The following STEAP3 variants were observed in gnomAD, a reference collection of about 807,000 sequenced individuals.
The protein encoded by STEAP3 is metalloreductase STEAP3.
A neutral mutation model predicts 34.9 loss-of-function variants in STEAP3; 35 were observed. That is an observed-to-expected ratio of 1.00 (90% CI 0.76 to 1.33). The LOEUF is 1.33. Among genes scored for constraint, STEAP3 ranks in the 40% most tolerant of loss-of-function variants. The probability of loss-of-function intolerance (pLI) is 0.00; values close to 1 mark genes in which losing one functional copy is unlikely to be tolerated. For missense variants in STEAP3, 652 were observed against 667.6 expected (o/e 0.98, Z 0.26); for synonymous variants, 281 against 301.6 (o/e 0.93, Z 0.71).
chr2:119,244,804 G>C (rs1231415742), intron 2 of STEAP3: 1 of 152,094 alleles, frequency 6.6e-6, no homozygotes, highest in Non-Finnish European at 1.5e-5. Flanking sequence ...AGATCACAGG[G>C]CACCCACTCT....
chr2:119,225,576 C>T (rs981692446), intron 1 of STEAP3, among the ~76,000 whole-genome samples: 1 of 152,246 alleles, frequency 6.6e-6, no homozygotes, highest in Admixed American at 6.5e-5. Context: ...TTCATATCTC[C>T]TATCCTTGGC....
intron 4 of STEAP3, among the ~76,000 whole-genome samples, chr2:119,253,095 C>T (rs1250182637): frequency 6.6e-6 from 1 of 152,166 alleles, no homozygotes; most frequent in African/African-American, 2.4e-5. Context: ...GCACGCCTTT[C>T]CAGCTAATGG....
chr2:119,258,859 T>C (rs1428535108), intron 5 of STEAP3, among the ~76,000 whole-genome samples: 1 of 151,122 alleles, frequency 6.6e-6, no homozygotes, highest in Non-Finnish European at 1.5e-5. Flanking sequence ...CCTGACCTCA[T>C]GATCCGCCTG....
intron 5 of STEAP3, among the ~76,000 whole-genome samples, chr2:119,261,769 T>C (rs1002330860): frequency 1.6e-4 from 24 of 152,322 alleles, no homozygotes; most frequent in Admixed American, 1.1e-3. Flanking sequence ...GCTGGAGTCA[T>C]AGAGCAGCAC....
chr2:119,259,040 G>A (rs1677867558), intron 5 of STEAP3, among the ~76,000 whole-genome samples: 1 of 151,792 alleles, frequency 6.6e-6, no homozygotes, highest in Non-Finnish European at 1.5e-5. Flanking sequence ...AGTCAGAGCA[G>A]CTCACCTGCG....
At chr2:119,226,383 AGG>A (rs1237251855) in intron 1 of STEAP3, among the ~76,000 whole-genome samples, 1 of 152,230 alleles carries the variant, frequency 6.6e-6, no homozygotes, top group African/African-American at 2.4e-5. Context: ...CATCTAGACC[AGG>A]GAGTTGCCTC....
Position 119,231,035 on chromosome 2 carries a change from G to C in STEAP3, c.22+1G>C. On this transcript the variant is annotated splice_donor_variant, in intron 2 of 5. Coordinates refer to ENST00000393110, the MANE Select transcript of STEAP3 (RefSeq NM_182915.3). LOFTEE classifies it high-confidence loss of function. Reference sequence around the variant, plus strand: ...CGGATGTCGCACCAGCCTGCTGTTGGTAAGTCTGGCTAGGACGCAGATCCA... The same window carrying C: ...CGGATGTCGCACCAGCCTGCTGTTGCTAAGTCTGGCTAGGACGCAGATCCA... 1 of 1,614,200 alleles carries C rather than the reference G, an allele frequency of 6.2e-7. No homozygotes were observed. The highest frequency in any genetic ancestry group is 8.5e-7 in the Non-Finnish European group (1 of 1,180,046).
rs1292241109 is a variant in STEAP3 at position 119,264,125 on chromosome 2, T to C, written c.*787T>C. The C allele has an allele frequency of 6.5e-6, 1 of 153,218 alleles. No homozygotes were observed. The highest frequency in any genetic ancestry group is 1.5e-5 in the Non-Finnish European group (1 of 68,530). The allele number at this position is 153,218 out of a possible 1,614,324, so 9.5% of individuals were successfully genotyped here. A position where few individuals can be genotyped will look rare whatever the true frequency, so the allele number is the denominator to read the frequency against. On this transcript the variant is annotated 3_prime_UTR_variant, in exon 6 of 6. Coordinates refer to ENST00000393110, the MANE Select transcript of STEAP3 (RefSeq NM_182915.3). The stretch of plus-strand genomic sequence containing the variant: ...TTAGTGAGCCTGGCTTGGGAACAAG[T>C]GTAATTTCCTTCCCTCCTTTAACCT...
At chr2:119,250,645 C>T (rs1677596467) in intron 4 of STEAP3, among the ~76,000 whole-genome samples, 1 of 152,106 alleles carries the variant, frequency 6.6e-6, no homozygotes, top group African/African-American at 2.4e-5. Context: ...GGGACGGTGC[C>T]CACTACCCCC....
At chr2:119,254,579 A>AGAGCCAGG in intron 4 of STEAP3, 105 bp from the exon 5 acceptor site, 1 of 1,284,418 alleles carries the variant, frequency 7.8e-7, no homozygotes, top group Admixed American at 1.7e-5. Context: ...CGTCAGGTGC[A>AGAGCCAGG]GTGTGAGCGC....
chr2:119,231,256 GC>G (rs1431441417), intron 2 of STEAP3, among the ~76,000 whole-genome samples: 1 of 152,054 alleles, frequency 6.6e-6, no homozygotes. Context: ...CGTTTTCATG[GC>G]CCCCTTTGGA....
At chr2:119,235,897 G>A (rs566400865) in intron 2 of STEAP3, among the ~76,000 whole-genome samples, 15 of 152,214 alleles carry the variant, frequency 9.9e-5, no homozygotes, top group South Asian at 2.1e-4. Flanking sequence ...GCCCAGTGCC[G>A]ACCCCAGTGC....
In STEAP3 at chr2:119,248,130, T is replaced by C. The variant is rs372130874; in HGVS notation, c.974T>C (p.Leu325Pro). The change falls in exon 4 of 6, where the codon CTG becomes CCG. Residue 325 changes from leucine to proline, a missense_variant. By Grantham distance (98) the Leu-to-Pro change is moderately conservative (BLOSUM62 -3). Coordinates refer to ENST00000393110, the MANE Select transcript of STEAP3 (RefSeq NM_182915.3). ...CTGCTCAGCTTCTTCTGCGCCGCCC[T>C]GCACGCCCTCTACAGCTTCTGCTTG... ...IGLLSFFCAA[L>P]HALYSFCLPL... 5.0e-6 allele frequency: 8 copies of C among 1,608,614 alleles called. No homozygotes were observed. In the African/African-American group the frequency reaches 8.0e-5, roughly 16 times the overall value.
intron 1 of STEAP3, among the ~76,000 whole-genome samples, chr2:119,227,504 C>A (rs1026751884): frequency 6.6e-6 from 1 of 152,206 alleles, no homozygotes; most frequent in African/African-American, 2.4e-5. Context: ...GCAGCGTGGG[C>A]AACAAGTGAG....
At chr2:119,229,437 T>A (rs1573536108) in intron 1 of STEAP3, among the ~76,000 whole-genome samples, 1 of 152,214 alleles carries the variant, frequency 6.6e-6, no homozygotes, top group Non-Finnish European at 1.5e-5. Flanking sequence ...AGGGGCCACG[T>A]GCAGTGAGTG....
intron 1 of STEAP3, among the ~76,000 whole-genome samples, chr2:119,224,101 G>C (rs967538981): frequency 1.2e-4 from 19 of 152,232 alleles, no homozygotes; most frequent in Admixed American, 7.2e-4. Context: ...TCCTTCCCTA[G>C]GCGTGGAAGC....
At position 119,256,847 on chromosome 2, in the gene STEAP3, C is replaced by T. The variant is rs74965263; in HGVS notation, c.1215+1999C>T. 2.9e-4 allele frequency among the ~76,000 whole-genome samples: 44 copies of T among 152,300 alleles called. 1 individual carries two copies. In the East Asian group the frequency reaches 8.1e-3, roughly 28 times the overall value. On this transcript the variant is annotated intron_variant, in intron 5 of 5. Coordinates refer to ENST00000393110, the MANE Select transcript of STEAP3 (RefSeq NM_182915.3). ...CAGAGCATGTCTGCTCCAAGAGCCT[C>T]AGTTTACACCCCTGAAAAATGGAGT...
chr2:119,231,393 G>A (rs1316747136), intron 2 of STEAP3, among the ~76,000 whole-genome samples: 1 of 145,448 alleles, frequency 6.9e-6, no homozygotes, highest in Non-Finnish European at 1.5e-5. Context: ...GTTTAAGGAT[G>A]TTAATGTTTA....
intron 3 of STEAP3, among the ~76,000 whole-genome samples, chr2:119,247,339 C>A (rs1476240602): frequency 6.6e-6 from 1 of 152,242 alleles, no homozygotes; most frequent in African/African-American, 2.4e-5. Context: ...GCCTTGGAGA[C>A]AGCCATGTCG....
Sources: allele counts gnomAD v4.1 joint callset (sites outside exome capture counted in the v4.1 genomes callset), GRCh38; gene constraint gnomAD v4.1.1; transcripts MANE v1.5; gene names NCBI Gene and HGNC (gene_info 2026-07-23, HGNC 2026-07-21).